The following DAB1 variants were observed in gnomAD, a reference collection of about 807,000 sequenced individuals.
DAB1 encodes disabled homolog 1.
A neutral mutation model predicts 64.6 loss-of-function variants in DAB1; 15 were observed. The ratio of observed to expected loss-of-function variants is 0.23; its 90% CI spans 0.16 to 0.36. The LOEUF (loss-of-function observed/expected upper bound fraction) is 0.36, where lower values mean the gene tolerates loss of function less well. DAB1 is among the 10% of genes least tolerant of loss of function. DAB1 has a pLI of 1.00. For missense variants in DAB1, 596 were observed against 706.7 expected (o/e 0.84, Z 1.78); for synonymous variants, 235 against 251.9 (o/e 0.93, Z 0.64).
At chr1:57,603,544 A>C (rs1353164997) in intron 7 of DAB1, among the ~76,000 whole-genome samples, 1 of 152,192 alleles carries the variant, frequency 6.6e-6, no homozygotes, top group African/African-American at 2.4e-5. Context: ...ATCAGGCATT[A>C]AGGTGTCCCA....
rs77502820 is a variant in DAB1, at chr1:57,810,470, G to A, written n.551+73529C>T. Among the ~76,000 whole-genome samples the A allele has an allele frequency of 6.5e-3, 987 of 152,288 alleles. 10 individuals carry two copies. The highest frequency in any genetic ancestry group is 0.023 in the African/African-American group (944 of 41,548). On this transcript the variant is annotated intron_variant and non_coding_transcript_variant, in intron 6 of 20. Transcript: ENST00000485760. ...GTGTATTTGTGTGGGAGTAGGTTGG[G>A]AGGGCAGGGAGGAAAAGGGAAAAGA...
At chr1:57,606,026 G>A in intron 7 of DAB1, 1 of 648,754 alleles carries the variant, frequency 1.5e-6, no homozygotes, top group Non-Finnish European at 2.9e-6. Context: ...GTGATTCTCA[G>A]AATCTTGGTA....
At chr1:57,925,713 A>T (rs1045058257) in intron 5 of DAB1, among the ~76,000 whole-genome samples, 9 of 152,234 alleles carry the variant, frequency 5.9e-5, no homozygotes, top group Non-Finnish European at 1.0e-4. Context: ...ACCCAAGGAC[A>T]ATACCTAAGT....
intron 3 of DAB1, among the ~76,000 whole-genome samples, chr1:58,476,663 A>G (rs981051291): frequency 3.9e-5 from 6 of 152,218 alleles, no homozygotes; most frequent in African/African-American, 1.2e-4. Flanking sequence ...TCACAAAAAC[A>G]TGTTATGAGG....
chr1:58,494,077 C>T (rs1359176662), intron 3 of DAB1, among the ~76,000 whole-genome samples: 32 of 152,094 alleles, frequency 2.1e-4, no homozygotes, highest in Non-Finnish European at 4.0e-4. Context: ...GAGATATAGA[C>T]CATTGGAACA....
chr1:57,548,869 C>A (rs1392323703), intron 7 of DAB1, among the ~76,000 whole-genome samples: 1 of 152,208 alleles, frequency 6.6e-6, no homozygotes, highest in Admixed American at 6.5e-5. Context: ...GAGCTCTATT[C>A]TAAGACCCTC....
chr1:58,199,521 T>G (rs1657884567), intron 4 of DAB1, among the ~76,000 whole-genome samples: 1 of 152,198 alleles, frequency 6.6e-6, no homozygotes, highest in Non-Finnish European at 1.5e-5. Flanking sequence ...AGAACCAGCT[T>G]ATAGGATTGT....
At chr1:57,341,254 G>T (rs1331815730) in intron 1 of DAB1, among the ~76,000 whole-genome samples, 1 of 152,094 alleles carries the variant, frequency 6.6e-6, no homozygotes, top group East Asian at 1.9e-4. Flanking sequence ...ATGGAGATTT[G>T]GACCCTGATT....
chr1:58,219,968 G>C (rs11811888), intron 4 of DAB1, among the ~76,000 whole-genome samples: 20 of 152,358 alleles, frequency 1.3e-4, no homozygotes, highest in African/African-American at 4.8e-4. Context: ...AGGCATAAAT[G>C]ATCCTCAGTT....
At chr1:57,511,254 A>G (rs1644402127) in intron 7 of DAB1, among the ~76,000 whole-genome samples, 1 of 152,224 alleles carries the variant, frequency 6.6e-6, no homozygotes, top group African/African-American at 2.4e-5. Flanking sequence ...ATGAAAAATA[A>G]CAAAACAAAA....
At chr1:58,078,002 T>C (rs563674590) in intron 5 of DAB1, 1 of 152,370 alleles carries the variant, frequency 6.6e-6, no homozygotes, top group East Asian at 1.9e-4. Flanking sequence ...AGATTAGCAA[T>C]TTACAACTAC....
intron 5 of DAB1, among the ~76,000 whole-genome samples, chr1:58,126,593 C>A (rs1653108287): frequency 6.6e-6 from 1 of 151,614 alleles, no homozygotes; most frequent in Admixed American, 6.6e-5. Context: ...TCTCCTGATG[C>A]TATCCCTCCC....
intron 1 of DAB1, among the ~76,000 whole-genome samples, chr1:57,400,037 T>C (rs1683114919): frequency 6.6e-6 from 1 of 152,198 alleles, no homozygotes; most frequent in South Asian, 2.1e-4. Context: ...AAATTATAGG[T>C]AGCTTCTGAT....
chr1:57,958,003 T>A (rs1202083912), intron 5 of DAB1, among the ~76,000 whole-genome samples: 1 of 151,764 alleles, frequency 6.6e-6, no homozygotes, highest in Admixed American at 6.6e-5. Flanking sequence ...TTTTTTTTTT[T>A]AGGCGGAGTC....
intron 6 of DAB1, among the ~76,000 whole-genome samples, chr1:57,708,786 T>G (rs540880027): frequency 1.3e-5 from 2 of 152,250 alleles, no homozygotes; most frequent in African/African-American, 2.4e-5. Context: ...CTCCATGCTC[T>G]GCTGCTTGGG....
intron 5 of DAB1, among the ~76,000 whole-genome samples, chr1:57,911,090 CAG>C (rs1420984398): frequency 1.3e-5 from 2 of 152,054 alleles, no homozygotes; most frequent in Non-Finnish European, 2.9e-5. Flanking sequence ...TTTGATAATT[CAG>C]AGTTAGGTTT....
At chr1:57,256,756 C>T (rs1263138386) in intron 2 of DAB1, among the ~76,000 whole-genome samples, 1 of 152,212 alleles carries the variant, frequency 6.6e-6, no homozygotes, top group East Asian at 1.9e-4. Context: ...ATTTGCTGCT[C>T]AGCTAGCCTG....
chr1:57,609,564 T>G (rs975773540), intron 7 of DAB1, among the ~76,000 whole-genome samples: 15 of 152,240 alleles, frequency 9.9e-5, no homozygotes, highest in Non-Finnish European at 2.2e-4. Flanking sequence ...TTAGTTGGTA[T>G]GCCTTCATGC....
intron 9 of DAB1, among the ~76,000 whole-genome samples, chr1:57,053,955 G>A: frequency 6.6e-6 from 1 of 151,908 alleles, no homozygotes; most frequent in East Asian, 1.9e-4. Flanking sequence ...CCAAAGTGTT[G>A]GGATTACAGG....
Sources: allele counts gnomAD v4.1 joint callset (sites outside exome capture counted in the v4.1 genomes callset), GRCh38; gene constraint gnomAD v4.1.1; transcripts MANE v1.5; gene names NCBI Gene and HGNC (gene_info 2026-07-23, HGNC 2026-07-21).